The following KCNH1 variants were observed in gnomAD, a reference collection of about 807,000 sequenced individuals.
KCNH1 encodes the protein potassium voltage-gated channel subfamily H member 1, also known as voltage-gated delayed rectifier potassium channel KCNH1.
Under a neutral mutation model 69.2 loss-of-function variants are expected in KCNH1, and 27 were observed. That is an observed-to-expected ratio of 0.39 (90% CI 0.29 to 0.54). The LOEUF (loss-of-function observed/expected upper bound fraction) is 0.54, where lower values mean the gene tolerates loss of function less well. Among genes scored for constraint, KCNH1 ranks in the 20% least tolerant of loss-of-function variants. The pLI is 0.68. For missense variants in KCNH1, 798 were observed against 1,261.6 expected (o/e 0.63, Z 5.57); for synonymous variants, 456 against 487.7 (o/e 0.93, Z 0.86).
At chr1:210,939,793 A>C (rs1270776060) in intron 6 of KCNH1, among the ~76,000 whole-genome samples, 1 of 152,202 alleles carries the variant, frequency 6.6e-6, no homozygotes, top group Non-Finnish European at 1.5e-5. Context: ...ACTGACTCCC[A>C]AGTATATGTT....
chr1:211,063,423 T>G (rs1260608292), intron 5 of KCNH1: 2 of 150,370 alleles, frequency 1.3e-5, no homozygotes, highest in African/African-American at 4.9e-5. Flanking sequence ...GAGGGAGAGA[T>G]AGAGAGGAAA....
chr1:210,844,081 C>A (rs1296823563), intron 7 of KCNH1, among the ~76,000 whole-genome samples: 1 of 152,180 alleles, frequency 6.6e-6, no homozygotes, highest in Non-Finnish European at 1.5e-5. Flanking sequence ...GGATTTCCAG[C>A]AAGCCAAGTT....
chr1:210,917,232 A>AG (rs1491256746), intron 7 of KCNH1, among the ~76,000 whole-genome samples: 79 of 104,924 alleles, frequency 7.5e-4, no homozygotes, highest in African/African-American at 1.9e-3. Context: ...AGAGAGAGAG[A>AG]AAGAAAGAAA....
chr1:210,857,628 GT>G (rs1041618160), intron 7 of KCNH1, among the ~76,000 whole-genome samples: 2 of 152,230 alleles, frequency 1.3e-5, no homozygotes, highest in Admixed American at 6.5e-5. Context: ...ATATGCATTT[GT>G]TTTTATAGTT....
intron 6 of KCNH1, among the ~76,000 whole-genome samples, chr1:210,966,182 T>C (rs1485825834): frequency 6.6e-6 from 1 of 152,198 alleles, no homozygotes; most frequent in Non-Finnish European, 1.5e-5. Context: ...GCTAGCCATA[T>C]GCAGAAAACT....
At chr1:210,947,228 C>T (rs562845087) in intron 6 of KCNH1, among the ~76,000 whole-genome samples, 1 of 152,256 alleles carries the variant, frequency 6.6e-6, no homozygotes, top group South Asian at 2.1e-4. Flanking sequence ...AGATCAATCC[C>T]TACCCCATTC....
chr1:210,829,420 C>T (rs948598850), intron 7 of KCNH1, among the ~76,000 whole-genome samples: 2 of 151,976 alleles, frequency 1.3e-5, no homozygotes, highest in East Asian at 3.9e-4. Context: ...TTTTCATGTG[C>T]CCCCCTACAG....
At chr1:210,956,424 G>A (rs1308131150) in intron 6 of KCNH1, among the ~76,000 whole-genome samples, 2 of 152,016 alleles carry the variant, frequency 1.3e-5, no homozygotes, top group Non-Finnish European at 2.9e-5. Flanking sequence ...CATAAAATGA[G>A]TTAGTGAAGA....
chr1:211,038,020 C>A (rs1172392270), intron 5 of KCNH1, among the ~76,000 whole-genome samples: 1 of 139,482 alleles, frequency 7.2e-6, no homozygotes, highest in East Asian at 2.2e-4. Context: ...AGTGCAGTGG[C>A]GTGATCTCGG....
intron 3 of KCNH1, 135 bp from the exon 4 acceptor site, chr1:211,090,825 G>A: frequency 1.3e-6 from 1 of 783,074 alleles, no homozygotes; most frequent in Non-Finnish European, 1.9e-6. Context: ...TCAAGTGCTG[G>A]GTTATCACAC....
chr1:211,127,588 C>A (rs912994378), intron 1 of KCNH1, among the ~76,000 whole-genome samples: 1 of 152,182 alleles, frequency 6.6e-6, no homozygotes, highest in Admixed American at 6.5e-5. Flanking sequence ...AGGGCAAGAG[C>A]AAGTTTTGTT....
intron 3 of KCNH1, among the ~76,000 whole-genome samples, chr1:211,094,790 A>T (rs530683627): frequency 2.5e-4 from 38 of 152,332 alleles, no homozygotes; most frequent in Non-Finnish European, 4.7e-4. Flanking sequence ...GAATGGGCTT[A>T]AATTTTCGTT....
chr1:210,806,822 A>ATATATATAT lies in KCNH1; in HGVS notation c.1463-2657_1463-2656insATATATATA, dbSNP rs1553346543. ...CCATCTCTACCAAAAAAAAAAAAAA[A>ATATATATAT]AAAAAAAAAAAAAAATATATATATA... On this transcript the variant is annotated intron_variant, in intron 7 of 10. Transcript: ENST00000271751. Among the ~76,000 whole-genome samples the ATATATATAT allele has an allele frequency of 4.5e-3, 188 of 41,994 alleles. 5 individuals are homozygous for ATATATATAT. The highest frequency in any genetic ancestry group is 7.6e-3 in the Non-Finnish European group (144 of 18,832). The allele number at this position is 41,994 out of a possible 152,430, so 27.5% of individuals were successfully genotyped here.
intron 10 of KCNH1, among the ~76,000 whole-genome samples, chr1:210,699,721 A>G (rs1445659568): frequency 6.6e-6 from 1 of 152,226 alleles, no homozygotes; most frequent in African/African-American, 2.4e-5. Flanking sequence ...AGTGGAGCCC[A>G]TTCTACACAT....
At chr1:210,945,292 T>C (rs533692163) in intron 6 of KCNH1, among the ~76,000 whole-genome samples, 3 of 152,220 alleles carry the variant, frequency 2.0e-5, no homozygotes, top group Non-Finnish European at 4.4e-5. Flanking sequence ...AACTAACTCT[T>C]ACACAATGTA....
intron 5 of KCNH1, among the ~76,000 whole-genome samples, chr1:211,043,217 CAAGAA>C (rs1195809819): frequency 6.6e-6 from 1 of 151,938 alleles, no homozygotes; most frequent in East Asian, 1.9e-4. Context: ...CAAGATTAAC[CAAGAA>C]AAGAAGAGAG....
intron 5 of KCNH1, among the ~76,000 whole-genome samples, chr1:211,029,155 C>A (rs1429924775): frequency 7.1e-6 from 1 of 140,004 alleles, no homozygotes; most frequent in Non-Finnish European, 1.5e-5. Flanking sequence ...CATAGAGAGA[C>A]CCCATCTCTA....
At chr1:210,813,703 C>T (rs966119790) in intron 7 of KCNH1, among the ~76,000 whole-genome samples, 1 of 152,192 alleles carries the variant, frequency 6.6e-6, no homozygotes, top group Non-Finnish European at 1.5e-5. Flanking sequence ...AAAGCCATAG[C>T]CAAGAAACTC....
intron 7 of KCNH1, among the ~76,000 whole-genome samples, chr1:210,808,927 G>A (rs1414811830): frequency 1.3e-5 from 2 of 152,054 alleles, no homozygotes; most frequent in African/African-American, 4.8e-5. Context: ...GAACCTCCCA[G>A]TGCAGAAGGT....
Sources: allele counts gnomAD v4.1 joint callset (sites outside exome capture counted in the v4.1 genomes callset), GRCh38; gene constraint gnomAD v4.1.1; transcripts MANE v1.5; gene names NCBI Gene and HGNC (gene_info 2026-07-23, HGNC 2026-07-21).